The following SLC26A9 variants were observed in gnomAD, a reference collection of about 807,000 sequenced individuals.
The protein encoded by SLC26A9 is solute carrier family 26 member 9.
Under a neutral mutation model 87.1 loss-of-function variants are expected in SLC26A9, and 46 were observed. The ratio of observed to expected loss-of-function variants is 0.53; its 90% CI spans 0.42 to 0.67. The LOEUF (loss-of-function observed/expected upper bound fraction) is 0.67. Among genes scored for constraint, SLC26A9 ranks in the 30% least tolerant of loss-of-function variants. The pLI is 0.00. For synonymous variants in SLC26A9, 437 were observed against 409.1 expected, an observed-to-expected ratio of 1.07 and a Z score of -0.82; for missense variants, 927 against 1,018.3, an observed-to-expected ratio of 0.91 and a Z score of 1.22.
chr1:205,920,740 C>T (rs1425987353), intron 17 of SLC26A9, among the ~76,000 whole-genome samples: 5 of 152,186 alleles, frequency 3.3e-5, no homozygotes, highest in Admixed American at 2.0e-4. Flanking sequence ...CCTTGTGATC[C>T]ACCTGCCTTG....
At chr1:205,930,289 G>A in intron 5 of SLC26A9, 1 of 376,736 alleles carries the variant, frequency 2.7e-6, no homozygotes, top group Non-Finnish European at 4.7e-6. Flanking sequence ...CACCTCTCTG[G>A]CTTTGGCTTA....
At chr1:205,918,281 T>C (rs1348010344) in intron 19 of SLC26A9, among the ~76,000 whole-genome samples, 2 of 152,028 alleles carry the variant, frequency 1.3e-5, no homozygotes, top group East Asian at 3.8e-4. Context: ...CTCCCCAGTC[T>C]TCTGGAGTTT....
At chr1:205,919,056 A>T in intron 18 of SLC26A9, 71 bp from the exon 19 acceptor site, 1 of 1,589,302 alleles carries the variant, frequency 6.3e-7, no homozygotes. Flanking sequence ...TGGGGAAGAT[A>T]GTGAGACCAG....
rs201167041 is a variant in SLC26A9, at chr1:205,914,880, C to T, written c.*477G>A. On this transcript the variant is annotated 3_prime_UTR_variant, in exon 21 of 21. Transcript: ENST00000367135. ...TGGGGAAGGCAAGCCAGAGTCCTAA[C>T]CAAGTTTATCCCTATGTCCGTGACA... 6.3e-7 allele frequency: 1 copy of T among 1,599,908 alleles called. No homozygotes were observed. Among genetic ancestry groups the T allele is most frequent in the African/African-American group, 1.3e-5 (1 of 74,882 alleles).
intron 5 of SLC26A9, among the ~76,000 whole-genome samples, chr1:205,930,712 C>T (rs928241495): frequency 2.0e-5 from 3 of 152,192 alleles, no homozygotes; most frequent in African/African-American, 7.2e-5. Context: ...CACCAAGCCC[C>T]TTACTTTGCC....
chr1:205,918,745 C>T, intron 19 of SLC26A9, 95 bp downstream of exon 19: 1 of 1,463,316 alleles, frequency 6.8e-7, no homozygotes, highest in Non-Finnish European at 9.2e-7. Context: ...GATATTGGAA[C>T]TTAAACCTTC....
chr1:205,931,465 G>GTTTTGTTTTTTTTTTTT (rs1659300575), intron 5 of SLC26A9, among the ~76,000 whole-genome samples: 1 of 96,012 alleles, frequency 1.0e-5, no homozygotes, highest in Non-Finnish European at 2.0e-5. Flanking sequence ...CCCTAACTTG[G>GTTTTGTTTTTTTTTTTT]TTTTTTTTTT....
chr1:205,925,474 G>A (rs12727528), intron 12 of SLC26A9, among the ~76,000 whole-genome samples: 14,672 of 152,260 alleles, frequency 0.096, 905 homozygotes, highest in African/African-American at 0.17. Flanking sequence ...GAACCTAAGG[G>A]AATACCACCA....
intron 9 of SLC26A9, 114 bp from the exon 10 acceptor site, chr1:205,927,719 G>T: frequency 7.3e-7 from 1 of 1,367,988 alleles, no homozygotes; most frequent in Non-Finnish European, 1.0e-6. Flanking sequence ...TGACCCAGTG[G>T]CTATAAAGTC....
At position 205,933,188 on chromosome 1, in the gene SLC26A9, C is replaced by A; in HGVS notation, c.126-104G>T. The A allele has an allele frequency of 2.0e-6, 3 of 1,491,538 alleles. No individual in the cohort carries two copies. In the South Asian group the frequency reaches 3.7e-5, roughly 19 times the overall value. The allele number at this position is 1,491,538 out of a possible 1,614,324, so 92.4% of individuals were successfully genotyped here. A position where few individuals can be genotyped will look rare whatever the true frequency, so the allele number is the denominator to read the frequency against. ...TGCTCATTTCATTCATTGGTTCATTCAAAATTCACTGAACTGTGTGCCAGG... is the reference window on the plus strand; with the variant it reads ...TGCTCATTTCATTCATTGGTTCATTAAAAATTCACTGAACTGTGTGCCAGG... On this transcript the variant is annotated intron_variant, in intron 2 of 20. Coordinates refer to ENST00000367135, the MANE Select transcript of SLC26A9 (RefSeq NM_052934.4).
chr1:205,916,021 T>G, intron 20 of SLC26A9, among the ~76,000 whole-genome samples: 1 of 152,268 alleles, frequency 6.6e-6, no homozygotes, highest in Middle Eastern at 3.4e-3. Flanking sequence ...TTCTTTTAAT[T>G]CAGGGCATTG....
intron 2 of SLC26A9, among the ~76,000 whole-genome samples, chr1:205,933,664 C>T (rs1659399393): frequency 6.6e-6 from 1 of 152,186 alleles, no homozygotes; most frequent in African/African-American, 2.4e-5. Context: ...TGGGGCCTGC[C>T]TGCTGCCATT....
At chr1:205,928,093 G>A in intron 8 of SLC26A9, 44 bp from the exon 9 acceptor site, 1 of 1,593,462 alleles carries the variant, frequency 6.3e-7, no homozygotes, top group South Asian at 1.1e-5. Flanking sequence ...GGGTGTGAGT[G>A]GGGAGGGCAG....
At chr1:205,938,781 T>C (rs899995214) in intron 1 of SLC26A9, among the ~76,000 whole-genome samples, 2 of 152,224 alleles carry the variant, frequency 1.3e-5, no homozygotes, top group East Asian at 1.9e-4. Flanking sequence ...CTTGAAACCC[T>C]GAAGGATTTC....
At chr1:205,943,091 G>T (rs1044692381) in intron 1 of SLC26A9, among the ~76,000 whole-genome samples, 1 of 152,162 alleles carries the variant, frequency 6.6e-6, no homozygotes, top group Non-Finnish European at 1.5e-5. Flanking sequence ...CTGTTTCGGG[G>T]TCTGGCGACC....
rs1659107328 is a variant in SLC26A9 at position 205,927,191 on chromosome 1, C to T, written c.1293+20G>A. 6.2e-7 allele frequency: 1 copy of T among 1,613,744 alleles called. No homozygotes were observed. Among genetic ancestry groups the T allele is most frequent in the Admixed American group, 1.7e-5 (1 of 60,012 alleles). On this transcript the variant is annotated intron_variant, in intron 11 of 20. Coordinates refer to ENST00000367135, the MANE Select transcript of SLC26A9 (RefSeq NM_052934.4). ...TATTGGAGTCTTTCGTTGACTTCTG[C>T]TCGATGGCTGGGCTCTTACCTTAGG...
intron 6 of SLC26A9, 21 bp from the exon 7 acceptor site, chr1:205,929,377 C>A: frequency 6.2e-7 from 1 of 1,610,762 alleles, no homozygotes; most frequent in South Asian, 1.1e-5. Flanking sequence ...GAGCATCATG[C>A]TCACAGGCTC....
At chr1:205,920,784 C>G (rs529672905) in intron 17 of SLC26A9, among the ~76,000 whole-genome samples, 1 of 152,236 alleles carries the variant, frequency 6.6e-6, no homozygotes. Flanking sequence ...AGGAGTGAGC[C>G]ACCACGCCCG....
intron 1 of SLC26A9, among the ~76,000 whole-genome samples, chr1:205,940,691 G>T (rs890305429): frequency 1.3e-5 from 2 of 152,176 alleles, no homozygotes; most frequent in African/African-American, 4.8e-5. Flanking sequence ...AATCTTGTCA[G>T]AAGAGGGTAG....
Sources: allele counts gnomAD v4.1 joint callset (sites outside exome capture counted in the v4.1 genomes callset), GRCh38; gene constraint gnomAD v4.1.1; transcripts MANE v1.5; gene names NCBI Gene and HGNC (gene_info 2026-07-23, HGNC 2026-07-21).